The following RBMS3 variants were observed in gnomAD, a reference collection of about 807,000 sequenced individuals.
RBMS3 encodes RNA binding motif single stranded interacting protein 3.
A neutral mutation model predicts 66.8 loss-of-function variants in RBMS3; 27 were observed. The ratio of observed to expected loss-of-function variants is 0.40; its 90% CI spans 0.30 to 0.56. The LOEUF is 0.56. Ranked by LOEUF, RBMS3 falls within the 20% of genes least tolerant of loss-of-function variation. The probability of loss-of-function intolerance (pLI) is 0.40; values close to 1 mark genes in which losing one functional copy is unlikely to be tolerated. For missense variants in RBMS3, 513 were observed against 549.5 expected (o/e 0.93, Z 0.66); for synonymous variants, 188 against 183.0 (o/e 1.03, Z -0.22).
chr3:29,820,552 C>A (rs545753648), intron 6 of RBMS3, among the ~76,000 whole-genome samples: 20 of 152,204 alleles, frequency 1.3e-4, no homozygotes, highest in South Asian at 1.0e-3. Context: ...GGATAGTGTT[C>A]ATTTTATTCA....
At chr3:29,662,621 A>G (rs1488246084) in intron 4 of RBMS3, among the ~76,000 whole-genome samples, 1 of 152,196 alleles carries the variant, frequency 6.6e-6, no homozygotes, top group African/African-American at 2.4e-5. Context: ...CTCACACCCC[A>G]AAGTGCTCTG....
At chr3:29,282,378 T>C (rs1393205436) in intron 1 of RBMS3, among the ~76,000 whole-genome samples, 1 of 152,148 alleles carries the variant, frequency 6.6e-6, no homozygotes, top group Admixed American at 6.5e-5. Context: ...TTTTAGAAGA[T>C]CTATTTTTCT....
At chr3:29,763,190 C>G (rs1292879971) in intron 6 of RBMS3, among the ~76,000 whole-genome samples, 1 of 152,006 alleles carries the variant, frequency 6.6e-6, no homozygotes, top group Non-Finnish European at 1.5e-5. Context: ...TTTTGAATCT[C>G]TGCTGCTAAC....
rs373718012 is a variant in RBMS3 at position 29,300,978 on chromosome 3, C to T, written c.75+19222C>T. On this transcript the variant is annotated intron_variant, in intron 1 of 14. Transcript: ENST00000383767. ...ATAGGGAAGCACAAAACATGTGGGA[C>T]CAGAGAAAGGCCAAAAGGTGGTAGA... Among the ~76,000 whole-genome samples the T allele has an allele frequency of 1.4e-4, 21 of 151,636 alleles. No individual in the cohort carries two copies. The East Asian group carries it at 2.2e-3, about 16-fold the overall frequency.
chr3:29,735,644 A>G lies in RBMS3; in HGVS notation c.400-4076A>G, dbSNP rs535955099. On this transcript the variant is annotated intron_variant, in intron 4 of 14. Transcript: ENST00000383767. The stretch of plus-strand genomic sequence containing the variant: ...AGCCTTCACTCTTTGACTCAAGCTT[A>G]TTGACGAATAGGCAAAAGTGAATAA... Among the ~76,000 whole-genome samples, 4 of 152,292 alleles carry G rather than the reference A, an allele frequency of 2.6e-5. No individual in the cohort carries two copies. The Middle Eastern group carries it at 0.014, about 518-fold the overall frequency.
At chr3:29,375,769 C>CA (rs2038431727) in intron 1 of RBMS3, among the ~76,000 whole-genome samples, 1 of 152,230 alleles carries the variant, frequency 6.6e-6, no homozygotes, top group Admixed American at 6.5e-5. Flanking sequence ...TAAATTAGTT[C>CA]AACCATTGTG....
chr3:29,827,386 T>C (rs567708651), intron 6 of RBMS3, among the ~76,000 whole-genome samples: 1 of 152,330 alleles, frequency 6.6e-6, no homozygotes, highest in East Asian at 1.9e-4. Flanking sequence ...CCTGTGTCAA[T>C]GGTCAATCGC....
At chr3:29,846,205 TTTATAAAAGGGACCA>T (rs2058771708) in intron 6 of RBMS3, among the ~76,000 whole-genome samples, 1 of 152,186 alleles carries the variant, frequency 6.6e-6, no homozygotes, top group East Asian at 1.9e-4. Context: ...GAATGGTTCC[TTTATAAAAGGGACCA>T]TTGCAGAATT....
intron 14 of RBMS3, among the ~76,000 whole-genome samples, chr3:29,997,066 TA>T (rs1381046760): frequency 2.0e-5 from 3 of 150,860 alleles, no homozygotes; most frequent in East Asian, 3.9e-4. Context: ...ATAGACGCAA[TA>T]AAAAATGATA....
At chr3:29,605,400 C>G (rs28521839) in intron 4 of RBMS3, among the ~76,000 whole-genome samples, 1 of 151,580 alleles carries the variant, frequency 6.6e-6, no homozygotes, top group South Asian at 2.1e-4. Flanking sequence ...TATGGAAATT[C>G]CTTTGAGTTT....
At chr3:29,598,575 C>T (rs1478535459) in intron 4 of RBMS3, among the ~76,000 whole-genome samples, 2 of 152,026 alleles carry the variant, frequency 1.3e-5, no homozygotes, top group African/African-American at 4.8e-5. Context: ...GATAAGATTA[C>T]ACACAAACAC....
intron 7 of RBMS3, among the ~76,000 whole-genome samples, chr3:29,876,658 G>T (rs767902350): frequency 6.6e-6 from 1 of 152,116 alleles, no homozygotes; most frequent in Non-Finnish European, 1.5e-5. Context: ...GAAAGAGCTG[G>T]CTTTAAGAGG....
In RBMS3 at chr3:29,396,301, A is replaced by G. The variant is rs73040685; in HGVS notation, c.76-38442A>G. ...AAGCCTATATTTTTAAAAAATGTCA[A>G]TATCACAAAAGACAAAAACCAAAGA... is the stretch of plus-strand genomic sequence containing the variant. On this transcript the variant is annotated intron_variant, in intron 1 of 14. Transcript: ENST00000383767. Among the ~76,000 whole-genome samples the G allele has an allele frequency of 6.3e-3, 959 of 152,298 alleles. 5 individuals carry two copies. Among genetic ancestry groups the G allele is most frequent in the Non-Finnish European group, 0.011 (741 of 68,016 alleles).
Position 29,528,573 on chromosome 3 carries a change from T to A in RBMS3, c.307+40074T>A, listed in dbSNP as rs1285164704. Among the ~76,000 whole-genome samples the A allele has an allele frequency of 3.3e-5, 5 of 152,218 alleles. No individual in the cohort carries two copies. In the East Asian group the frequency reaches 9.6e-4, roughly 29 times the overall value. On this transcript the variant is annotated intron_variant, in intron 3 of 14. Coordinates refer to ENST00000383767, the MANE Select transcript of RBMS3 (RefSeq NM_001003793.3). ...CTCCTGACCTTAGGAATATTATCAA[T>A]TACATTTTCATGATCATTTTATACT...
At chr3:29,362,937 G>A (rs1020023362) in intron 1 of RBMS3, among the ~76,000 whole-genome samples, 2 of 152,232 alleles carry the variant, frequency 1.3e-5, no homozygotes, top group East Asian at 3.9e-4. Flanking sequence ...CTATGATCTT[G>A]CTTTGTACAA....
At chr3:29,437,921 T>C (rs528803233) in intron 2 of RBMS3, among the ~76,000 whole-genome samples, 22 of 152,336 alleles carry the variant, frequency 1.4e-4, no homozygotes, top group Non-Finnish European at 2.9e-4. Flanking sequence ...TCGTGCAGTG[T>C]TGGCAGGGGC....
chr3:29,568,782 G>A (rs934856502), intron 3 of RBMS3, among the ~76,000 whole-genome samples: 4 of 152,178 alleles, frequency 2.6e-5, no homozygotes, highest in Admixed American at 2.6e-4. Flanking sequence ...TATTAGAATT[G>A]TCCAGGTGGA....
chr3:29,734,433 T>C (rs1015849660), intron 4 of RBMS3, among the ~76,000 whole-genome samples: 1 of 152,100 alleles, frequency 6.6e-6, no homozygotes, highest in Non-Finnish European at 1.5e-5. Flanking sequence ...ATAATAAATG[T>C]TTGAGGTTAT....
chr3:29,604,535 T>C (rs11929220), intron 4 of RBMS3, among the ~76,000 whole-genome samples: 11,531 of 152,002 alleles, frequency 0.076, 477 homozygotes, highest in Non-Finnish European at 0.085. Context: ...ATTGAATGTC[T>C]CAAAGCAAGT....
Sources: gnomAD v4.1 joint callset for allele counts (sites outside exome capture counted in the v4.1 genomes callset) on GRCh38, gnomAD v4.1.1 for gene constraint, MANE v1.5 for transcripts, NCBI Gene and HGNC (gene_info 2026-07-23, HGNC 2026-07-21) for gene names.